The following CDH4 variants were observed in gnomAD, a reference collection of about 807,000 sequenced individuals.
CDH4 encodes cadherin-4.
In CDH4, 33 loss-of-function variants were observed where a neutral mutation model predicts 86.0. The ratio of observed to expected loss-of-function variants is 0.38; its 90% CI spans 0.29 to 0.51. The LOEUF (loss-of-function observed/expected upper bound fraction) is 0.51. Among genes scored for constraint, CDH4 ranks in the 20% least tolerant of loss-of-function variants. The probability of loss-of-function intolerance (pLI) is 0.86; values close to 1 mark genes in which losing one functional copy is unlikely to be tolerated. For missense variants in CDH4, 1,114 were observed against 1,307.4 expected (o/e 0.85, Z 2.28); for synonymous variants, 555 against 549.4 (o/e 1.01, Z -0.14).
chr20:61,688,478 G>GTGCCC (rs774369406), intron 2 of CDH4, among the ~76,000 whole-genome samples: 11 of 152,166 alleles, frequency 7.2e-5, no homozygotes, highest in East Asian at 5.8e-4. Context: ...GGGTCTTCAC[G>GTGCCC]TGCCCTGCCC....
chr20:61,293,339 G>A (rs1014902338), intron 2 of CDH4, among the ~76,000 whole-genome samples: 1 of 152,166 alleles, frequency 6.6e-6, no homozygotes, highest in African/African-American at 2.4e-5. Flanking sequence ...ACAGGGAGGT[G>A]CAGAGTGAGG....
intron 2 of CDH4, among the ~76,000 whole-genome samples, chr20:61,317,578 G>C (rs1278793114): frequency 6.6e-6 from 1 of 152,144 alleles, no homozygotes; most frequent in Admixed American, 6.5e-5. Flanking sequence ...AGGCATGGGG[G>C]GCTGGATGAG....
At chr20:61,846,435 C>T (rs78438259) in intron 5 of CDH4, among the ~76,000 whole-genome samples, 1 of 152,164 alleles carries the variant, frequency 6.6e-6, no homozygotes, top group Non-Finnish European at 1.5e-5. Flanking sequence ...ACAACAGGCT[C>T]AGGAACCGGA....
intron 4 of CDH4, among the ~76,000 whole-genome samples, chr20:61,779,400 G>A (rs1337036441): frequency 6.6e-6 from 1 of 152,190 alleles, no homozygotes; most frequent in Non-Finnish European, 1.5e-5. Flanking sequence ...GAGGGAGGTC[G>A]CTCCACAGTC....
chr20:61,281,547 A>C lies in CDH4; in HGVS notation c.169+26610A>C, dbSNP rs532149203. 5.3e-5 allele frequency among the ~76,000 whole-genome samples: 8 copies of C among 152,360 alleles called. No homozygotes were observed. In the South Asian group the frequency reaches 8.3e-4, roughly 16 times the overall value. On this transcript the variant is annotated intron_variant, in intron 2 of 15. Coordinates refer to ENST00000614565, the MANE Select transcript of CDH4 (RefSeq NM_001794.5). ...GGGAAGGAGCTTTGTGACAGCAGCC[A>C]GAAAGACTGACACCAAGTGCTCCTG...
chr20:61,700,514 G>C (rs1369583917), intron 2 of CDH4, among the ~76,000 whole-genome samples: 1 of 152,210 alleles, frequency 6.6e-6, no homozygotes, highest in Non-Finnish European at 1.5e-5. Context: ...CCAGAGGGCA[G>C]GAACCCAGAG....
At chr20:61,268,227 C>T (rs887095436) in intron 2 of CDH4, among the ~76,000 whole-genome samples, 1 of 152,192 alleles carries the variant, frequency 6.6e-6, no homozygotes, top group South Asian at 2.1e-4. Flanking sequence ...CATCTCGGGT[C>T]CACCCACCTC....
In CDH4 at chr20:61,783,658, G is replaced by A. The variant is rs150358400; in HGVS notation, c.576+10476G>A. The stretch of plus-strand genomic sequence containing the variant: ...AGCCTAGTTCCTCGGGACAGTTCTC[G>A]AGGCCCTCAGGTGTCTTGTGCCCCC... On this transcript the variant is annotated intron_variant, in intron 4 of 15. Transcript: ENST00000614565. Among the ~76,000 whole-genome samples, 490 of 129,862 alleles carry A rather than the reference G, an allele frequency of 3.8e-3. 31 individuals are homozygous for A. Among genetic ancestry groups the A allele is most frequent in the South Asian group, 0.021 (74 of 3,608 alleles). The allele number at this position is 129,862 out of a possible 152,430, so 85.2% of individuals were successfully genotyped here.
intron 2 of CDH4, among the ~76,000 whole-genome samples, chr20:61,520,770 C>G (rs1037085584): frequency 6.6e-6 from 1 of 152,328 alleles, no homozygotes; most frequent in African/African-American, 2.4e-5. Flanking sequence ...AACAACCCCC[C>G]GTACTGCTTA....
intron 2 of CDH4, among the ~76,000 whole-genome samples, chr20:61,504,867 T>A (rs1306164083): frequency 1.3e-5 from 2 of 152,220 alleles, no homozygotes; most frequent in Non-Finnish European, 2.9e-5. Context: ...ACACGCGTCC[T>A]CATCACCTTC....
At chr20:61,915,510 T>A (rs970736381) in intron 9 of CDH4, among the ~76,000 whole-genome samples, 3 of 152,176 alleles carry the variant, frequency 2.0e-5, no homozygotes, top group Admixed American at 1.3e-4. Context: ...TGAGACCCCA[T>A]GATGCCTCTC....
rs140540547 is a variant in CDH4 at position 61,862,228 on chromosome 20, C to T, written c.877+9330C>T. On this transcript the variant is annotated intron_variant, in intron 6 of 15. Coordinates refer to ENST00000614565, the MANE Select transcript of CDH4 (RefSeq NM_001794.5). Reference sequence around the variant, plus strand: ...TCACTCAGGTGGCTGTTGGTCTCCACCACCGGGTTCCAGTTCTGAGCACAG... The same window carrying T: ...TCACTCAGGTGGCTGTTGGTCTCCATCACCGGGTTCCAGTTCTGAGCACAG... Among the ~76,000 whole-genome samples, 185 of 152,314 alleles carry T rather than the reference C, an allele frequency of 1.2e-3. 1 individual carries two copies. Among genetic ancestry groups the T allele is most frequent in the African/African-American group, 4.1e-3 (171 of 41,564 alleles).
intron 2 of CDH4, among the ~76,000 whole-genome samples, chr20:61,460,245 TCCCTTCCTAAG>T (rs2085434245): frequency 6.6e-6 from 1 of 152,150 alleles, no homozygotes; most frequent in Non-Finnish European, 1.5e-5. Context: ...GTGCCTCTGC[TCCCTTCCTAAG>T]GAAGGGAAAC....
At chr20:61,730,773 A>G (rs1233798081) in intron 2 of CDH4, among the ~76,000 whole-genome samples, 1 of 152,212 alleles carries the variant, frequency 6.6e-6, no homozygotes, top group Non-Finnish European at 1.5e-5. Context: ...CAGGAGGGAC[A>G]GGAGCAGATG....
intron 4 of CDH4, among the ~76,000 whole-genome samples, chr20:61,791,130 A>C (rs1311014772): frequency 2.0e-5 from 3 of 152,254 alleles, no homozygotes; most frequent in Admixed American, 2.0e-4. Flanking sequence ...TTGCGTCATG[A>C]GTTGCTGTCC....
chr20:61,329,950 T>C (rs929775226), intron 2 of CDH4, among the ~76,000 whole-genome samples: 2 of 151,594 alleles, frequency 1.3e-5, no homozygotes, highest in Non-Finnish European at 1.5e-5. Flanking sequence ...TGGTTTTCTG[T>C]TCCTGTGTTA....
Position 61,929,629 on chromosome 20 carries a change from T to G in CDH4, c.2026T>G (p.Leu676Val). ...RLNGDYAQLS[L>V]RILYLEAGMY... ...ACCAGGTGACTATGCCCAACTCAGCTTGCGCATCCTGTACCTGGAGGCCGG... is the reference window on the plus strand; with the variant it reads ...ACCAGGTGACTATGCCCAACTCAGCGTGCGCATCCTGTACCTGGAGGCCGG... Residue 676 changes from leucine (L) to valine (V), a missense_variant, in exon 13 of 16, where the codon TTG (leucine) becomes GTG (valine). Transcript: ENST00000614565. 1 of 1,613,956 alleles carries G rather than the reference T, an allele frequency of 6.2e-7. No individual in the cohort carries two copies. The highest frequency in any genetic ancestry group is 1.6e-4 in the Middle Eastern group (1 of 6,062).
intron 2 of CDH4, among the ~76,000 whole-genome samples, chr20:61,382,488 C>G (rs918619281): frequency 1.3e-4 from 20 of 152,208 alleles, no homozygotes; most frequent in African/African-American, 4.8e-4. Flanking sequence ...CATGGGCCCT[C>G]CTGAAAAGGC....
chr20:61,924,256 T>C (rs1328384349), intron 10 of CDH4, 78 bp from the exon 11 acceptor site: 18 of 1,436,520 alleles, frequency 1.3e-5, no homozygotes, highest in Non-Finnish European at 1.5e-5. Context: ...CCTGGAGGTG[T>C]GGCCAAGGAG....
Sources: gnomAD v4.1 joint callset for allele counts (sites outside exome capture counted in the v4.1 genomes callset) on GRCh38, gnomAD v4.1.1 for gene constraint, MANE v1.5 for transcripts, NCBI Gene and HGNC (gene_info 2026-07-23, HGNC 2026-07-21) for gene names.